OLA1: variants seen among roughly 807,000 people sequenced by gnomAD.
OLA1 encodes obg-like ATPase 1.
Under a neutral mutation model 48.4 loss-of-function variants are expected in OLA1, and 14 were observed. The ratio of observed to expected loss-of-function variants is 0.29; its 90% CI spans 0.19 to 0.45. OLA1 has a LOEUF of 0.45. Ranked by LOEUF, OLA1 falls within the 20% of genes least tolerant of loss-of-function variation. The pLI is 1.00. For missense variants in OLA1, 325 were observed against 467.1 expected (o/e 0.70, Z 2.80); for synonymous variants, 127 against 150.4 (o/e 0.84, Z 1.14).
chr2:174,156,022 T>C (rs1479351219), intron 4 of OLA1, among the ~76,000 whole-genome samples: 4 of 152,168 alleles, frequency 2.6e-5, no homozygotes, highest in African/African-American at 9.7e-5. Context: ...ATGTACACAA[T>C]AACAGTACCT....
chr2:174,141,971 C>T lies in OLA1; in HGVS notation c.403G>A (p.Val135Ile), dbSNP rs549904049. 9.9e-6 allele frequency: 16 copies of T among 1,613,168 alleles called. No homozygotes were observed. Among genetic ancestry groups the T allele is most frequent in the East Asian group, 8.9e-5 (4 of 44,760 alleles). The stretch of plus-strand genomic sequence containing the variant: ...CGAATAGGATCTACACTTCCTTCAA[C>T]GTGCGTGATATCATCATCTTCAAAA... ...RAFEDDDITH[V>I]EGSVDPIRDI... The change falls in exon 5 of 11, where the codon GTT becomes ATT. Residue 135 changes from valine to isoleucine, a missense_variant. Transcript: ENST00000284719.
chr2:174,121,188 C>T (rs1353187235), intron 7 of OLA1, among the ~76,000 whole-genome samples: 1 of 152,068 alleles, frequency 6.6e-6, no homozygotes, highest in African/African-American at 2.4e-5. Context: ...GGCTATGTTG[C>T]ATAAACAGAG....
At chr2:174,155,400 A>G (rs1686851771) in intron 4 of OLA1, among the ~76,000 whole-genome samples, 1 of 152,238 alleles carries the variant, frequency 6.6e-6, no homozygotes, top group African/African-American at 2.4e-5. Context: ...CAACAGAAAA[A>G]GATCAATTTC....
At chr2:174,237,742 A>C (rs1482800054) in intron 2 of OLA1, among the ~76,000 whole-genome samples, 1 of 152,206 alleles carries the variant, frequency 6.6e-6, no homozygotes, top group Non-Finnish European at 1.5e-5. Context: ...CAATGGAGCA[A>C]GACTCTGTCT....
intron 4 of OLA1, among the ~76,000 whole-genome samples, chr2:174,156,344 CAT>C: frequency 6.6e-6 from 1 of 152,252 alleles, no homozygotes; most frequent in Non-Finnish European, 1.5e-5. Flanking sequence ...AATCTCCAGA[CAT>C]TGCCAACCTA....
intron 3 of OLA1, 111 bp from the exon 4 acceptor site, chr2:174,223,271 A>C: frequency 9.4e-7 from 1 of 1,065,090 alleles, no homozygotes; most frequent in Middle Eastern, 2.1e-4. Flanking sequence ...GAACAATGGA[A>C]CAATAATGAT....
At chr2:174,157,658 T>G (rs995565130) in intron 4 of OLA1, among the ~76,000 whole-genome samples, 5 of 152,188 alleles carry the variant, frequency 3.3e-5, no homozygotes. Context: ...AAAACTATTT[T>G]ATAACCTTTA....
chr2:174,233,443 G>C (rs563108783), intron 2 of OLA1, among the ~76,000 whole-genome samples: 2 of 152,046 alleles, frequency 1.3e-5, no homozygotes, highest in Non-Finnish European at 2.9e-5. Flanking sequence ...TCACGATCTC[G>C]GCTTACTGCA....
chr2:174,183,054 AT>A (rs10713070), intron 4 of OLA1, among the ~76,000 whole-genome samples: 4,000 of 151,836 alleles, frequency 0.026, 167 homozygotes, highest in African/African-American at 0.09. Flanking sequence ...TAAAAACGTC[AT>A]TTTTTTTTAA....
intron 7 of OLA1, among the ~76,000 whole-genome samples, chr2:174,084,350 T>C (rs1264346354): frequency 6.6e-6 from 1 of 152,168 alleles, no homozygotes; most frequent in Non-Finnish European, 1.5e-5. Flanking sequence ...TGAGTTAGGC[T>C]CTTTGCCTGC....
chr2:174,164,254 T>C lies in OLA1; in HGVS notation c.374-22254A>G, dbSNP rs150091273. ...TCTTCATAGCAGCATGAGAATAGACTAATACACACAGCATTTAATAAAGTT... is the reference window on the plus strand; with the variant it reads ...TCTTCATAGCAGCATGAGAATAGACCAATACACACAGCATTTAATAAAGTT... On this transcript the variant is annotated intron_variant, in intron 4 of 10. Transcript: ENST00000284719. 2.3e-3 allele frequency among the ~76,000 whole-genome samples: 349 copies of C among 148,840 alleles called. 3 individuals are homozygous for C. In the Middle Eastern group the frequency reaches 0.042, roughly 18 times the overall value.
intron 9 of OLA1, chr2:174,079,292 G>A (rs1196512833): frequency 2.8e-6 from 1 of 361,510 alleles, no homozygotes; most frequent in Non-Finnish European, 4.9e-6. Flanking sequence ...AGATATTAAA[G>A]AAGCGTGGCT....
intron 4 of OLA1, among the ~76,000 whole-genome samples, chr2:174,183,918 T>C (rs1295702441): frequency 2.0e-5 from 3 of 152,194 alleles, no homozygotes; most frequent in East Asian, 1.9e-4. Flanking sequence ...AGATGACCAA[T>C]AGAAAAACTG....
At chr2:174,160,877 A>G (rs1341573607) in intron 4 of OLA1, among the ~76,000 whole-genome samples, 1 of 152,236 alleles carries the variant, frequency 6.6e-6, no homozygotes, top group African/African-American at 2.4e-5. Flanking sequence ...AAATCTGAAA[A>G]TAGAAACCAC....
chr2:174,073,593 T>C lies in OLA1; in HGVS notation c.*1833A>G, dbSNP rs1034800866. ...AGTTACCTCAAAACTAACTCCTTTC[T>C]TTTATTAATGGTTCTGTTGCACAAT... On this transcript the variant is annotated 3_prime_UTR_variant, in exon 11 of 11. Coordinates refer to ENST00000284719, the MANE Select transcript of OLA1 (RefSeq NM_013341.5). 1.3e-5 allele frequency: 2 copies of C among 152,214 alleles called. No individual in the cohort carries two copies. The highest frequency in any genetic ancestry group is 4.8e-5 in the African/African-American group (2 of 41,456). 9.4% of individuals were successfully genotyped at this position (152,214 alleles called of 1,614,324 possible). A position where few individuals can be genotyped will look rare whatever the true frequency, so the allele number is the denominator to read the frequency against.
intron 4 of OLA1, among the ~76,000 whole-genome samples, chr2:174,152,645 G>A (rs1429846259): frequency 6.6e-6 from 1 of 152,078 alleles, no homozygotes; most frequent in Non-Finnish European, 1.5e-5. Flanking sequence ...TTAGATCTCT[G>A]GAGAAACAAA....
chr2:174,176,042 C>CA (rs1425005093), intron 4 of OLA1, among the ~76,000 whole-genome samples: 4 of 151,990 alleles, frequency 2.6e-5, no homozygotes, highest in African/African-American at 9.7e-5. Flanking sequence ...GGGAGAGGAT[C>CA]AACTGCAAAA....
intron 7 of OLA1, among the ~76,000 whole-genome samples, chr2:174,116,347 A>G (rs561303724): frequency 4.6e-5 from 7 of 152,234 alleles, no homozygotes; most frequent in Non-Finnish European, 8.8e-5. Context: ...TGAGTCTCAC[A>G]TTCTAATGTT....
At chr2:174,184,474 TAAAG>T (rs1404301689) in intron 4 of OLA1, among the ~76,000 whole-genome samples, 1 of 152,028 alleles carries the variant, frequency 6.6e-6, no homozygotes. Context: ...TTATGAAAAA[TAAAG>T]AAAGACTAAG....
Sources: gnomAD v4.1 joint callset for allele counts (sites outside exome capture counted in the v4.1 genomes callset) on GRCh38, gnomAD v4.1.1 for gene constraint, MANE v1.5 for transcripts, NCBI Gene and HGNC (gene_info 2026-07-23, HGNC 2026-07-21) for gene names.